SUN1: variants seen among roughly 807,000 people sequenced by gnomAD.
SUN1 encodes Sad1 and UNC84 domain containing 1.
A neutral mutation model predicts 103.2 loss-of-function variants in SUN1; 61 were observed. The observed-to-expected ratio is 0.59, with a 90% CI of 0.48 to 0.73. The LOEUF (loss-of-function observed/expected upper bound fraction) is 0.73, where lower values mean the gene tolerates loss of function less well. Among genes scored for constraint, SUN1 ranks in the 30% least tolerant of loss-of-function variants. The pLI, the probability that SUN1 is intolerant of heterozygous loss-of-function variation, is 0.00. For synonymous variants in SUN1, 490 were observed against 425.7 expected, an observed-to-expected ratio of 1.15 and a Z score of -1.86; for missense variants, 1,052 against 1,034.6, an observed-to-expected ratio of 1.02 and a Z score of -0.23.
chr7:873,450 C>A lies in SUN1; in HGVS notation c.*119C>A. On this transcript the variant is annotated 3_prime_UTR_variant, in exon 19 of 19. Transcript: ENST00000401592. Reference sequence around the variant, plus strand: ...GACAGTGCCACACTCCTTCAATAAACGTGGCTGCTGGCCAGAGGACGTGAG... The same window carrying A: ...GACAGTGCCACACTCCTTCAATAAAAGTGGCTGCTGGCCAGAGGACGTGAG... 2 of 1,021,776 alleles carry A rather than the reference C, an allele frequency of 2.0e-6. No individual in the cohort carries two copies. Among genetic ancestry groups the A allele is most frequent in the South Asian group, 1.5e-5 (1 of 66,812 alleles). The allele number at this position is 1,021,776 out of a possible 1,614,324, so 63.3% of individuals were successfully genotyped here. A position where few individuals can be genotyped will look rare whatever the true frequency, so the allele number is the denominator to read the frequency against.
Position 869,364 on chromosome 7 carries a change from G to T in SUN1, c.1996G>T (p.Gly666Cys). The T allele has an allele frequency of 6.2e-7, 1 of 1,613,568 alleles. No individual in the cohort carries two copies. The highest frequency in any genetic ancestry group is 8.5e-7 in the Non-Finnish European group (1 of 1,179,694). Residue 666 changes from glycine (G) to cysteine (C), a missense_variant, in exon 17 of 19, where the codon GGT (glycine) becomes TGT (cysteine). Physicochemically the swap from Gly to Cys is radical, Grantham distance 159. Transcript: ENST00000401592. Reference sequence around the variant, plus strand: ...CTTTCCCCAGCCTGACATTTACCCCGGTAACTGCTGGGCATTTAAAGGCTC... The same window carrying T: ...CTTTCCCCAGCCTGACATTTACCCCTGTAACTGCTGGGCATTTAAAGGCTC... ...RVVIQPDIYP[G>C]NCWAFKGSQG...
intron 3 of SUN1, 115 bp from the exon 4 acceptor site, chr7:843,091 A>C (rs1811738050): frequency 1.4e-6 from 2 of 1,455,506 alleles, no homozygotes; most frequent in Admixed American, 2.0e-5. Flanking sequence ...GACCAGTGCC[A>C]TAATGCTGAT....
rs540782534 is a variant in SUN1, at chr7:837,256, T to C, written c.78-1542T>C. ...GGCGAGCCGGGGTCTGTGGCTGGAG[T>C]CGGTGTCAGGGCACAGCCGTCACAC... On this transcript the variant is annotated intron_variant, in intron 1 of 18. Coordinates refer to ENST00000401592, the MANE Select transcript of SUN1 (RefSeq NM_001130965.3). 2.6e-4 allele frequency among the ~76,000 whole-genome samples: 39 copies of C among 151,702 alleles called. No individual in the cohort carries two copies. The East Asian group carries it at 5.8e-3, about 23-fold the overall frequency.
At chr7:844,969 G>T (rs1021248026) in intron 5 of SUN1, among the ~76,000 whole-genome samples, 1 of 152,222 alleles carries the variant, frequency 6.6e-6, no homozygotes, top group Non-Finnish European at 1.5e-5. Flanking sequence ...AGGATTCCGT[G>T]TATTCAGTGT....
intron 5 of SUN1, among the ~76,000 whole-genome samples, chr7:845,896 C>T (rs1172048776): frequency 6.6e-6 from 1 of 152,046 alleles, no homozygotes. Context: ...CGTTGGCCTC[C>T]CCAGTGCTGC....
chr7:866,189 C>A, intron 16 of SUN1, 122 bp downstream of exon 16: 1 of 819,806 alleles, frequency 1.2e-6, no homozygotes, highest in Non-Finnish European at 2.0e-6. Flanking sequence ...GAACTGGTAC[C>A]ACAAGAAGTG....
intron 1 of SUN1, among the ~76,000 whole-genome samples, chr7:819,814 T>A (rs1214196981): frequency 1.3e-5 from 2 of 151,226 alleles, no homozygotes; most frequent in African/African-American, 4.9e-5. Flanking sequence ...GTTCAAACGC[T>A]TCTCCCGCCT....
At chr7:873,115 A>G (rs1842855686) in intron 18 of SUN1, 100 bp from the exon 19 acceptor site, 1 of 1,106,872 alleles carries the variant, frequency 9.0e-7, no homozygotes, top group African/African-American at 1.5e-5. Context: ...TTAATTTCCA[A>G]CTCAGCTGCT....
At position 839,810 on chromosome 7, in the gene SUN1, T is replaced by A. The variant is rs1392803392; in HGVS notation, c.266+824T>A. 1.3e-5 allele frequency among the ~76,000 whole-genome samples: 2 copies of A among 151,538 alleles called. 1 individual carries two copies. The highest frequency in any genetic ancestry group is 3.9e-4 in the East Asian group (2 of 5,138). ...CTCAGGTGATCCGCCCATTGCAGCCTCCCAAAGTGCTGCGATTACAGGCGT... is the reference window on the plus strand; with the variant it reads ...CTCAGGTGATCCGCCCATTGCAGCCACCCAAAGTGCTGCGATTACAGGCGT... On this transcript the variant is annotated intron_variant, in intron 2 of 18. Coordinates refer to ENST00000401592, the MANE Select transcript of SUN1 (RefSeq NM_001130965.3).
chr7:816,612 G>A, upstream of SUN1: 4 of 392,846 alleles, frequency 1.0e-5, no homozygotes, highest in Non-Finnish European at 2.0e-5. Context: ...GGCTGGCGTG[G>A]GCAGAGCGTC....
intron 11 of SUN1, among the ~76,000 whole-genome samples, chr7:855,999 C>G (rs1454731504): frequency 1.3e-5 from 2 of 152,220 alleles, no homozygotes; most frequent in African/African-American, 4.8e-5. Context: ...GCGGATGGCA[C>G]AGGCCAGCAC....
upstream of SUN1, among the ~76,000 whole-genome samples, chr7:829,924 G>T (rs1414934046): frequency 1.3e-5 from 2 of 152,134 alleles, no homozygotes; most frequent in African/African-American, 4.8e-5. Flanking sequence ...CGCAGCTGAC[G>T]CCTGAGTGCT....
intron 1 of SUN1, among the ~76,000 whole-genome samples, chr7:817,936 C>T (rs1482876043): frequency 1.3e-5 from 2 of 151,902 alleles, no homozygotes; most frequent in Admixed American, 1.3e-4. Flanking sequence ...TCTAGATTTC[C>T]TCTTTTTCTT....
chr7:845,430 G>A (rs767219687), intron 5 of SUN1, among the ~76,000 whole-genome samples: 2 of 152,114 alleles, frequency 1.3e-5, no homozygotes, highest in Non-Finnish European at 2.9e-5. Flanking sequence ...GGACTTGTGC[G>A]GCCCACACTA....
intron 15 of SUN1, 70 bp downstream of exon 15, chr7:861,534 C>T (rs1332373544): frequency 6.7e-7 from 1 of 1,488,806 alleles, no homozygotes; most frequent in Non-Finnish European, 9.4e-7. Context: ...ACTTGAGAGG[C>T]TGTTGCCTAC....
intron 5 of SUN1, among the ~76,000 whole-genome samples, chr7:844,338 G>C: frequency 6.6e-6 from 1 of 152,204 alleles, no homozygotes. Flanking sequence ...TCGAGCTCAC[G>C]TTCTGCTGTG....
intron 13 of SUN1, among the ~76,000 whole-genome samples, 177 bp downstream of exon 13, chr7:858,134 C>T (rs1829234281): frequency 6.6e-6 from 1 of 152,170 alleles, no homozygotes; most frequent in Non-Finnish European, 1.5e-5. Flanking sequence ...CACTGCAGGC[C>T]ACCTCCACCT....
chr7:857,641 A>G (rs546607823), intron 12 of SUN1, among the ~76,000 whole-genome samples, 187 bp from the exon 13 acceptor site: 2 of 152,366 alleles, frequency 1.3e-5, no homozygotes, highest in Admixed American at 1.3e-4. Flanking sequence ...ACTGATGCAG[A>G]AGACAACCTC....
chr7:856,689 C>G (rs1167018432), intron 12 of SUN1, among the ~76,000 whole-genome samples: 1 of 152,196 alleles, frequency 6.6e-6, no homozygotes, highest in Non-Finnish European at 1.5e-5. Flanking sequence ...CTCCAGGGTC[C>G]TTGCAGGGCC....
Sources: gnomAD v4.1 joint callset for allele counts (sites outside exome capture counted in the v4.1 genomes callset) on GRCh38, gnomAD v4.1.1 for gene constraint, MANE v1.5 for transcripts, NCBI Gene and HGNC (gene_info 2026-07-23, HGNC 2026-07-21) for gene names.